Variants in SUV39H2 observed in about 807,000 individuals in gnomAD.
The protein encoded by SUV39H2 is SUV39H2 histone lysine methyltransferase.
Under a neutral mutation model 47.5 loss-of-function variants are expected in SUV39H2, and 10 were observed. That is an observed-to-expected ratio of 0.21 (90% CI 0.13 to 0.36). The LOEUF is 0.36. Ranked by LOEUF, SUV39H2 falls within the 10% of genes least tolerant of loss-of-function variation. SUV39H2 has a pLI of 1.00. For missense variants in SUV39H2, 266 were observed against 487.4 expected, an observed-to-expected ratio of 0.55 and a Z score of 4.28; for synonymous variants, 159 against 166.8, an observed-to-expected ratio of 0.95 and a Z score of 0.36.
intron 2 of SUV39H2, among the ~76,000 whole-genome samples, chr10:14,896,402 C>T (rs557320451): frequency 1.1e-4 from 16 of 152,146 alleles, no homozygotes; most frequent in Non-Finnish European, 1.5e-4. Context: ...TCCCTTGTGT[C>T]TGGTGTTTGA....
chr10:14,899,085 C>A, intron 3 of SUV39H2: 1 of 615,706 alleles, frequency 1.6e-6, no homozygotes, highest in Non-Finnish European at 2.9e-6. Context: ...TTGGGGAGGT[C>A]AAGGCTGGAG....
At chr10:14,899,450 T>C in intron 3 of SUV39H2, 89 bp from the exon 4 acceptor site, 2 of 1,368,426 alleles carry the variant, frequency 1.5e-6, no homozygotes, top group Non-Finnish European at 2.0e-6. Flanking sequence ...TTTTAAATAT[T>C]TGTAGGTATT....
At chr10:14,888,739 C>G (rs959576186) in intron 2 of SUV39H2, among the ~76,000 whole-genome samples, 1 of 152,036 alleles carries the variant, frequency 6.6e-6, no homozygotes, top group Non-Finnish European at 1.5e-5. Flanking sequence ...TGGAAAGAAT[C>G]CACTGTATTT....
chr10:14,901,396 C>A, intron 5 of SUV39H2, 134 bp downstream of exon 5: 1 of 1,193,428 alleles, frequency 8.4e-7, no homozygotes, highest in Non-Finnish European at 1.2e-6. Flanking sequence ...GTTTGTCATC[C>A]TAAGGTACAA....
chr10:14,889,641 A>G (rs1427213233), intron 2 of SUV39H2, among the ~76,000 whole-genome samples: 6 of 152,216 alleles, frequency 3.9e-5, no homozygotes, highest in Non-Finnish European at 8.8e-5. Flanking sequence ...TTCTCTTTGC[A>G]TTAGTAACAA....
chr10:14,900,114 T>C (rs1365115889), intron 4 of SUV39H2, among the ~76,000 whole-genome samples: 7 of 152,206 alleles, frequency 4.6e-5, no homozygotes, highest in African/African-American at 1.7e-4. Flanking sequence ...ATGTTAACTT[T>C]TTATAAAATT....
At chr10:14,884,286 C>T (rs1185931176) in intron 2 of SUV39H2, among the ~76,000 whole-genome samples, 2 of 152,182 alleles carry the variant, frequency 1.3e-5, no homozygotes, top group East Asian at 3.8e-4. Flanking sequence ...TTTACATTTC[C>T]ACCAGCAGTG....
intron 2 of SUV39H2, among the ~76,000 whole-genome samples, chr10:14,890,039 C>T (rs7913762): frequency 0.019 from 2,935 of 152,240 alleles, 77 homozygotes; most frequent in African/African-American, 0.059. Context: ...TTAAAGTATA[C>T]AGGTACTTTT....
At chr10:14,901,370 A>T in intron 5 of SUV39H2, 108 bp downstream of exon 5, 2 of 1,433,056 alleles carry the variant, frequency 1.4e-6, no homozygotes, top group South Asian at 1.3e-5. Flanking sequence ...CTAAAGATGA[A>T]AAGTTGAGGC....
At chr10:14,891,781 G>A (rs139261430) in intron 2 of SUV39H2, among the ~76,000 whole-genome samples, 21 of 152,264 alleles carry the variant, frequency 1.4e-4, no homozygotes, top group Non-Finnish European at 2.6e-4. Flanking sequence ...GTTACATGTC[G>A]ATAGGTTGCT....
At chr10:14,879,158 G>GAAGTGGAGCGTGGCCTCTCCGC (rs1832963417) in intron 1 of SUV39H2, 6 of 1,207,624 alleles carry the variant, frequency 5.0e-6, no homozygotes, top group Admixed American at 4.4e-5. Flanking sequence ...GGGCACTTCG[G>GAAGTGGAGCGTGGCCTCTCCGC]AAGTGGAGCG....
chr10:14,899,346 A>G (rs1489849260), intron 3 of SUV39H2, 193 bp from the exon 4 acceptor site: 1 of 695,112 alleles, frequency 1.4e-6, no homozygotes, highest in South Asian at 1.6e-5. Flanking sequence ...AGTCTTTTGC[A>G]TTATCATTTT....
intron 2 of SUV39H2, among the ~76,000 whole-genome samples, chr10:14,889,677 C>T (rs1331367387): frequency 1.3e-5 from 2 of 152,112 alleles, no homozygotes. Flanking sequence ...GAAAATAACA[C>T]AGGAGGTAGG....
chr10:14,882,529 G>A (rs1833069197), intron 2 of SUV39H2, among the ~76,000 whole-genome samples: 1 of 152,188 alleles, frequency 6.6e-6, no homozygotes, highest in South Asian at 2.1e-4. Context: ...ACAAGCTATG[G>A]ACTGACCAGT....
Position 14,904,176 on chromosome 10 carries a change from A to C in SUV39H2, c.*1664A>C, listed in dbSNP as rs1834203991. On this transcript the variant is annotated 3_prime_UTR_variant, in exon 6 of 6. Coordinates refer to ENST00000354919, the MANE Select transcript of SUV39H2 (RefSeq NM_001193424.2). ...AAAAATTAGCCGGGCGTGGTGGCAC[A>C]CGCCTGTAGTCCCAGCTACTCAGGA... 6.6e-6 allele frequency: 1 copy of C among 151,972 alleles called. No individual in the cohort carries two copies. Among genetic ancestry groups the C allele is most frequent in the African/African-American group, 2.4e-5 (1 of 41,362 alleles). 9.4% of individuals were successfully genotyped at this position (151,972 alleles called of 1,614,324 possible).
At chr10:14,898,198 G>GTTTTTTTTTTTTT (rs1833728015) in intron 3 of SUV39H2, 1 of 64,396 alleles carries the variant, frequency 1.6e-5, no homozygotes, top group African/African-American at 6.9e-5. Flanking sequence ...AGGTAGTACT[G>GTTTTTTTTTTTTT]TTTCTTTTTT....
Position 14,901,193 on chromosome 10 carries a change from C to A in SUV39H2, c.1057C>A (p.Arg353=). Residue 353 remains arginine (R), a synonymous_variant, in exon 5 of 6, where the codon CGA becomes AGA. Coordinates refer to ENST00000354919, the MANE Select transcript of SUV39H2 (RefSeq NM_001193424.2). The part of the protein sequence containing the change: ...FIDNLDTRLP[R]IALFSTRTIN... The stretch of plus-strand genomic sequence containing the variant: ...TGATAACCTCGATACTCGTCTTCCC[C>A]GAATAGCATTGTTTTCCACAAGAAC... 6.2e-7 allele frequency: 1 copy of A among 1,613,978 alleles called. No homozygotes were observed. Among genetic ancestry groups the A allele is most frequent in the South Asian group, 1.1e-5 (1 of 91,074 alleles).
intron 2 of SUV39H2, among the ~76,000 whole-genome samples, chr10:14,887,223 G>A (rs1217310122): frequency 6.6e-6 from 1 of 152,114 alleles, no homozygotes. Context: ...AGGAAAAGTA[G>A]GTGCACGGTT....
At chr10:14,892,591 T>G (rs1354151804) in intron 2 of SUV39H2, among the ~76,000 whole-genome samples, 1 of 152,178 alleles carries the variant, frequency 6.6e-6, no homozygotes, top group Non-Finnish European at 1.5e-5. Context: ...TCTTCCCTTT[T>G]CTCATTGTCT....
Sources: gnomAD v4.1 joint callset for allele counts (sites outside exome capture counted in the v4.1 genomes callset) on GRCh38, gnomAD v4.1.1 for gene constraint, MANE v1.5 for transcripts, NCBI Gene and HGNC (gene_info 2026-07-23, HGNC 2026-07-21) for gene names.